The following PTPRG variants were observed in gnomAD, a reference collection of about 807,000 sequenced individuals.
PTPRG encodes the protein receptor-type tyrosine-protein phosphatase gamma.
PTPRG carries 102 observed loss-of-function variants against 165.3 expected under a neutral mutation model. The ratio of observed to expected loss-of-function variants is 0.62; its 90% confidence interval spans 0.53 to 0.73. The LOEUF is 0.73. Among genes scored for constraint, PTPRG ranks in the 30% least tolerant of loss-of-function variants. The pLI, the probability that PTPRG is intolerant of heterozygous loss-of-function variation, is 0.00. For missense variants in PTPRG, 1,866 were observed against 1,861.4 expected (o/e 1.00, Z -0.05); for synonymous variants, 675 against 669.5 (o/e 1.01, Z -0.13).
chr3:62,119,512 T>A (rs1029693380), intron 5 of PTPRG, among the ~76,000 whole-genome samples: 1 of 152,084 alleles, frequency 6.6e-6, no homozygotes, highest in Admixed American at 6.5e-5. Flanking sequence ...TGGAGTCCTG[T>A]AGGGAACCAT....
At chr3:61,612,335 C>T (rs913161011) in intron 1 of PTPRG, among the ~76,000 whole-genome samples, 3 of 152,312 alleles carry the variant, frequency 2.0e-5, no homozygotes, top group Middle Eastern at 3.4e-3. Flanking sequence ...TCTTGGAATG[C>T]GAAGCATCTT....
At chr3:62,090,910 TC>T (rs1701905943) in intron 5 of PTPRG, among the ~76,000 whole-genome samples, 2 of 152,206 alleles carry the variant, frequency 1.3e-5, no homozygotes, top group Non-Finnish European at 2.9e-5. Context: ...TTTGGACAAA[TC>T]TATTCAATCC....
At chr3:61,860,222 C>T (rs977145084) in intron 2 of PTPRG, among the ~76,000 whole-genome samples, 4 of 152,148 alleles carry the variant, frequency 2.6e-5, no homozygotes, top group East Asian at 1.9e-4. Flanking sequence ...GAGTGCTGCA[C>T]TAAGAAGGGA....
chr3:62,129,728 G>A (rs972963643), intron 5 of PTPRG, among the ~76,000 whole-genome samples: 1 of 152,192 alleles, frequency 6.6e-6, no homozygotes, highest in East Asian at 1.9e-4. Context: ...CACGTGAAAT[G>A]TTGGGGATAC....
In PTPRG at chr3:62,115,304, C is replaced by T. The variant is rs115555757; in HGVS notation, c.616-17298C>T. 4.6e-3 allele frequency among the ~76,000 whole-genome samples: 694 copies of T among 152,160 alleles called. 3 individuals carry two copies. Among genetic ancestry groups the T allele is most frequent in the African/African-American group, 0.015 (631 of 41,502 alleles). On this transcript the variant is annotated intron_variant, in intron 5 of 29. Coordinates refer to ENST00000474889, the MANE Select transcript of PTPRG (RefSeq NM_002841.4). ...AACATTAATGCAGATGACTAGAAATCACACATGAAAAAAACCCCTTTCCCT... is the reference window on the plus strand; with the variant it reads ...AACATTAATGCAGATGACTAGAAATTACACATGAAAAAAACCCCTTTCCCT...
At chr3:62,291,739 T>C (rs1702905782) in intron 28 of PTPRG, among the ~76,000 whole-genome samples, 2 of 152,194 alleles carry the variant, frequency 1.3e-5, no homozygotes, top group Admixed American at 1.3e-4. Flanking sequence ...TCATCACTAA[T>C]GTGGAAACTG....
In PTPRG at chr3:61,674,618, T is replaced by G. The variant is rs368405722; in HGVS notation, c.86-74260T>G. ...TGATGTGCTGCTGACTTCTGTTTGGTTTAGCAGATGTTTGTTGAGCAGCTG... is the reference window on the plus strand; with the variant it reads ...TGATGTGCTGCTGACTTCTGTTTGGGTTAGCAGATGTTTGTTGAGCAGCTG... On this transcript the variant is annotated intron_variant, in intron 1 of 29. Coordinates refer to ENST00000474889, the MANE Select transcript of PTPRG (RefSeq NM_002841.4). Among the ~76,000 whole-genome samples the G allele has an allele frequency of 5.3e-5, 8 of 152,262 alleles. No individual in the cohort carries two copies. In the East Asian group the frequency reaches 9.6e-4, roughly 18 times the overall value.
chr3:61,737,880 T>G (rs931640720), intron 1 of PTPRG, among the ~76,000 whole-genome samples: 1 of 151,290 alleles, frequency 6.6e-6, no homozygotes, highest in African/African-American at 2.4e-5. Flanking sequence ...CTGGCACATT[T>G]TGCTAGAGGT....
chr3:61,638,529 A>C (rs1701978168), intron 1 of PTPRG, among the ~76,000 whole-genome samples: 1 of 86,120 alleles, frequency 1.2e-5, no homozygotes, highest in South Asian at 3.7e-4. Flanking sequence ...TTATCATAGA[A>C]TTGAAAAAAA....
In PTPRG at chr3:62,203,987, C is replaced by T. The variant is rs771892505; in HGVS notation, c.2155+37C>T. On this transcript the variant is annotated intron_variant, in intron 12 of 29. Coordinates refer to ENST00000474889, the MANE Select transcript of PTPRG (RefSeq NM_002841.4). This position sits in a 1 kb window ranked among gnomAD's most constrained non-coding sequence, Gnocchi z 6.4. ...AGGTCTTCTTCGAGGGTTCCTGCTC[C>T]TGTGAATAGTCGTACCCTTTTTCAA... 1.3e-6 allele frequency: 2 copies of T among 1,517,356 alleles called. No individual in the cohort carries two copies. The highest frequency in any genetic ancestry group is 1.8e-6 in the Non-Finnish European group (2 of 1,132,098). The allele number at this position is 1,517,356 out of a possible 1,614,324, so 94.0% of individuals were successfully genotyped here. A position where few individuals can be genotyped will look rare whatever the true frequency, so the allele number is the denominator to read the frequency against.
chr3:61,684,033 C>T (rs942025729), intron 1 of PTPRG, among the ~76,000 whole-genome samples: 4 of 152,208 alleles, frequency 2.6e-5, no homozygotes, highest in Non-Finnish European at 4.4e-5. Context: ...TGCAGTTGTA[C>T]ACTGGTTTGA....
At chr3:61,865,429 G>C (rs2037379357) in intron 2 of PTPRG, among the ~76,000 whole-genome samples, 2 of 152,170 alleles carry the variant, frequency 1.3e-5, no homozygotes, top group Admixed American at 1.3e-4. Context: ...AGAGTTCTGA[G>C]TCCAAAGCAT....
intron 2 of PTPRG, among the ~76,000 whole-genome samples, chr3:61,787,478 T>C (rs913300867): frequency 7.2e-5 from 11 of 152,324 alleles, no homozygotes; most frequent in African/African-American, 2.6e-4. Flanking sequence ...GCATCTGAAA[T>C]GGTAAATATT....
chr3:61,696,804 G>T (rs554631017), intron 1 of PTPRG, among the ~76,000 whole-genome samples: 1 of 152,146 alleles, frequency 6.6e-6, no homozygotes, highest in Non-Finnish European at 1.5e-5. Context: ...CTTACCATAC[G>T]TATTTTTCAT....
At chr3:61,751,706 A>G (rs2106925972) in intron 2 of PTPRG, among the ~76,000 whole-genome samples, 1 of 152,300 alleles carries the variant, frequency 6.6e-6, no homozygotes, top group African/African-American at 2.4e-5. Flanking sequence ...AAACATTAAC[A>G]TAGGCCGGGC....
chr3:61,902,027 G>C (rs2038511481), intron 2 of PTPRG, among the ~76,000 whole-genome samples: 2 of 152,194 alleles, frequency 1.3e-5, no homozygotes, highest in Admixed American at 6.5e-5. Flanking sequence ...TGGATGGGAA[G>C]GTACTCTATT....
intron 28 of PTPRG, among the ~76,000 whole-genome samples, chr3:62,286,341 C>G (rs1429827700): frequency 1.3e-5 from 2 of 151,998 alleles, no homozygotes; most frequent in Non-Finnish European, 2.9e-5. Context: ...TTTTTGTTTT[C>G]CTTTCTGCCC....
chr3:62,028,934 C>T (rs1699672602), intron 4 of PTPRG, among the ~76,000 whole-genome samples: 1 of 152,132 alleles, frequency 6.6e-6, no homozygotes, highest in Non-Finnish European at 1.5e-5. Context: ...AGTCCTTTGG[C>T]CTAATGCCAA....
At chr3:62,129,348 A>T (rs922565868) in intron 5 of PTPRG, among the ~76,000 whole-genome samples, 2 of 152,028 alleles carry the variant, frequency 1.3e-5, no homozygotes, top group Non-Finnish European at 2.9e-5. Context: ...AGATAATACT[A>T]AATGCATTAA....
Sources: allele counts gnomAD v4.1 joint callset (sites outside exome capture counted in the v4.1 genomes callset), GRCh38; gene constraint gnomAD v4.1.1; non-coding constraint Gnocchi (gnomAD v3.1); transcripts MANE v1.5; gene names NCBI Gene and HGNC (gene_info 2026-07-23, HGNC 2026-07-21).